Variants in WDR86 observed in about 807,000 individuals in gnomAD.
The protein encoded by WDR86 is WD repeat domain 86, also known as WD repeat-containing protein 86.
In WDR86, 30 loss-of-function variants were observed where a neutral mutation model predicts 36.5. The ratio of observed to expected loss-of-function variants is 0.82; its 90% CI spans 0.61 to 1.11. The LOEUF (loss-of-function observed/expected upper bound fraction) is 1.11. WDR86 is among the 50% of genes most tolerant of loss of function. The pLI, the probability that WDR86 is intolerant of heterozygous loss-of-function variation, is 0.00. For synonymous variants in WDR86, 255 were observed against 252.9 expected (o/e 1.01, Z -0.08); for missense variants, 545 against 561.2 (o/e 0.97, Z 0.29).
At chr7:151,392,078 C>G (rs534253904) in intron 3 of WDR86, among the ~76,000 whole-genome samples, 1 of 152,194 alleles carries the variant, frequency 6.6e-6, no homozygotes, top group Non-Finnish European at 1.5e-5. Context: ...CCCCTTCAGA[C>G]GCTCAGGGCA....
rs1235406126 is a variant in WDR86 at position 151,409,756 on chromosome 7, C to G, written c.-167G>C. On this transcript the variant is annotated 5_prime_UTR_variant, in exon 1 of 6. Transcript: ENST00000334493. This position sits in a 1 kb window ranked among gnomAD's most constrained non-coding sequence, Gnocchi z 5.2. ...GAGGGGAGGGTGAAGGACCCTAGCT[C>G]CCCGCTGCCTCCAGCCTCTGGGCCC... The G allele has an allele frequency of 7.8e-7, 1 of 1,284,200 alleles. No homozygotes were observed. Among genetic ancestry groups the G allele is most frequent in the Non-Finnish European group, 9.8e-7 (1 of 1,019,900 alleles). The allele number at this position is 1,284,200 out of a possible 1,614,324, so 79.6% of individuals were successfully genotyped here.
At chr7:151,385,270 C>T in intron 3 of WDR86, 47 bp from the exon 4 acceptor site, 5 of 1,602,304 alleles carry the variant, frequency 3.1e-6, no homozygotes, top group Non-Finnish European at 4.2e-6. Context: ...AGCTCTGAAG[C>T]CCCCCAGACC....
Position 151,384,958 on chromosome 7 carries a change from C to G in WDR86, c.862+130G>C, listed in dbSNP as rs547093332. On this transcript the variant is annotated intron_variant, in intron 4 of 5. Coordinates refer to ENST00000334493, the MANE Select transcript of WDR86 (RefSeq NM_198285.3). ...GAAGCACGGGTGTGTGGAGAAGGAA[C>G]GAGCACTGCCATTGGACGCTGATGA... 3.6e-5 allele frequency: 37 copies of G among 1,034,624 alleles called. No homozygotes were observed. In the East Asian group the frequency reaches 8.5e-4, roughly 24 times the overall value. The allele number at this position is 1,034,624 out of a possible 1,614,324, so 64.1% of individuals were successfully genotyped here.
In WDR86 at chr7:151,381,729, GAGC is replaced by G; in HGVS notation, c.981_983del (p.Leu328del). 6.6e-7 allele frequency: 1 copy of G among 1,514,446 alleles called. No individual in the cohort carries two copies. Among genetic ancestry groups the G allele is most frequent in the South Asian group, 1.3e-5 (1 of 79,058 alleles). 93.8% of individuals were successfully genotyped at this position (1,514,446 alleles called of 1,614,324 possible). ...GGGCGCCGTCGTGCGAGGCGGTGTA[GAGC>G]ACCTGGCCGTGCACCTGCGGGCGCA... On this transcript the variant is annotated inframe_deletion, in exon 6 of 6. Transcript: ENST00000334493. This position sits in a 1 kb window ranked among gnomAD's most constrained non-coding sequence, Gnocchi z 4.8.
At position 151,387,011 on chromosome 7, in the gene WDR86, AGGCTG is replaced by A. The variant is rs563129471; in HGVS notation, c.727-1793_727-1789del. Among the ~76,000 whole-genome samples the A allele has an allele frequency of 3.7e-3, 567 of 152,264 alleles. 3 individuals carry two copies. The highest frequency in any genetic ancestry group is 0.013 in the African/African-American group (535 of 41,550). On this transcript the variant is annotated intron_variant, in intron 3 of 5. Transcript: ENST00000334493. ...CCAGGGCACTGTGTCTGTGTCCCGG[AGGCTG>A]GGCTGACCACCACCAGCGCAGCGTT...
downstream of WDR86, chr7:151,377,286 A>C: frequency 2.7e-6 from 3 of 1,113,360 alleles, no homozygotes; most frequent in Non-Finnish European, 3.7e-6. Context: ...GAAAAGGCTA[A>C]TGCAGCTCTT....
intron 3 of WDR86, among the ~76,000 whole-genome samples, chr7:151,385,882 C>G (rs780522210): frequency 2.6e-5 from 4 of 152,144 alleles, no homozygotes; most frequent in Non-Finnish European, 4.4e-5. Flanking sequence ...CAGGGAAGTG[C>G]GGAGACTATT....
chr7:151,387,329 C>T (rs554458360), intron 3 of WDR86, among the ~76,000 whole-genome samples: 80 of 152,252 alleles, frequency 5.3e-4, no homozygotes, highest in African/African-American at 1.9e-3. Flanking sequence ...GGCAGCCGGC[C>T]CTCACCACAC....
At chr7:151,407,411 C>A (rs1021929108) in intron 1 of WDR86, among the ~76,000 whole-genome samples, 1 of 152,232 alleles carries the variant, frequency 6.6e-6, no homozygotes, top group Admixed American at 6.5e-5. Flanking sequence ...TACCGGCAGC[C>A]TGGCAAAGCC....
At chr7:151,398,399 G>A (rs1413111860) in intron 2 of WDR86, among the ~76,000 whole-genome samples, 2 of 141,082 alleles carry the variant, frequency 1.4e-5, no homozygotes, top group African/African-American at 2.6e-5. Flanking sequence ...GTGTGTATGG[G>A]TGTATATGTA....
downstream of WDR86, chr7:151,374,375 G>A: frequency 1.7e-6 from 2 of 1,188,210 alleles, no homozygotes; most frequent in South Asian, 2.6e-5. Context: ...CTGAAGGGCA[G>A]GTTTCTCCTG....
intron 3 of WDR86, among the ~76,000 whole-genome samples, chr7:151,391,275 C>T (rs1293224719): frequency 6.6e-6 from 1 of 152,266 alleles, no homozygotes; most frequent in Non-Finnish European, 1.5e-5. Flanking sequence ...CGGATCTGCT[C>T]ATGAGGCTCC....
upstream of WDR86, chr7:151,410,140 C>A (rs555327517): frequency 1.5e-3 from 1,360 of 933,858 alleles, no homozygotes; most frequent in Non-Finnish European, 1.5e-3. Context: ...CTCCCCCCTT[C>A]GTCGCTGTGC....
In WDR86 at chr7:151,409,325, C is replaced by A; in HGVS notation, c.163+102G>T. 2 of 1,500,178 alleles carry A rather than the reference C, an allele frequency of 1.3e-6. No homozygotes were observed. The highest frequency in any genetic ancestry group is 2.5e-5 in the East Asian group (1 of 40,312). 92.9% of individuals were successfully genotyped at this position (1,500,178 alleles called of 1,614,324 possible). A position where few individuals can be genotyped will look rare whatever the true frequency, so the allele number is the denominator to read the frequency against. On this transcript the variant is annotated intron_variant, in intron 1 of 5. Coordinates refer to ENST00000334493, the MANE Select transcript of WDR86 (RefSeq NM_198285.3). The surrounding 1 kb of genome is among the most constrained non-coding windows in gnomAD (Gnocchi z 5.2). Reference sequence around the variant, plus strand: ...GCTAGTGTGCCGGGATGAGCGGGGGCTGGACTTCTAGAAAGGGGTCTGCGG... The same window carrying A: ...GCTAGTGTGCCGGGATGAGCGGGGGATGGACTTCTAGAAAGGGGTCTGCGG...
At chr7:151,373,395 C>A (rs1584972859), downstream of WDR86, among the ~76,000 whole-genome samples, 1 of 152,320 alleles carries the variant, frequency 6.6e-6, no homozygotes, top group Admixed American at 6.5e-5. Context: ...TGGGAACTCT[C>A]CTGATTGGCC....
At chr7:151,383,629 T>C (rs1296620032) in intron 4 of WDR86, among the ~76,000 whole-genome samples, 1 of 152,204 alleles carries the variant, frequency 6.6e-6, no homozygotes, top group Non-Finnish European at 1.5e-5. Context: ...TTCCAGCCTT[T>C]TTGTTAAAAC....
At position 151,385,081 on chromosome 7, in the gene WDR86, CACTT is replaced by C. The variant is rs758260751; in HGVS notation, c.862+3_862+6del. On this transcript the variant is annotated splice_donor_5th_base_variant and intron_variant, in intron 4 of 5. Coordinates refer to ENST00000334493, the MANE Select transcript of WDR86 (RefSeq NM_198285.3). Reference sequence around the variant, plus strand: ...TGGCACAGGTCGTGCAGGGCCAAGTCACTTACAGGTGCCCGCGTGGTACTTGAGG... The same window carrying C: ...TGGCACAGGTCGTGCAGGGCCAAGTCACAGGTGCCCGCGTGGTACTTGAGG... The C allele has an allele frequency of 2.5e-6, 4 of 1,591,086 alleles. No individual in the cohort carries two copies. The highest frequency in any genetic ancestry group is 4.5e-5 in the East Asian group (2 of 44,520).
Position 151,385,182 on chromosome 7 carries a change from G to A in WDR86, c.768C>T (p.Thr256=), listed in dbSNP as rs200609462. The A allele has an allele frequency of 1.8e-5, 29 of 1,613,048 alleles. No individual in the cohort carries two copies. Among genetic ancestry groups the A allele is most frequent in the Middle Eastern group, 1.7e-4 (1 of 5,944 alleles). ...CTGTGTCTGCCAGCCAGCACTTGAC[G>A]GTCCTGTCCGCGCTGCCAGAGTACA... ...RLVYSGSADR[T]VKCWLADTGE... The change falls in exon 4 of 6, where the codon ACC becomes ACT. Residue 256 remains threonine, a synonymous_variant. Transcript: ENST00000334493.
chr7:151,391,612 T>G (rs1799446009), intron 3 of WDR86, among the ~76,000 whole-genome samples: 1 of 151,984 alleles, frequency 6.6e-6, no homozygotes, highest in African/African-American at 2.4e-5. Context: ...AAGAGGCAGA[T>G]CTGGATGGGT....
Sources: gnomAD v4.1 joint callset for allele counts (sites outside exome capture counted in the v4.1 genomes callset) on GRCh38, gnomAD v4.1.1 for gene constraint, Gnocchi (gnomAD v3.1) non-coding constraint, MANE v1.5 for transcripts, NCBI Gene and HGNC (gene_info 2026-07-23, HGNC 2026-07-21) for gene names.